The following CDH23 variants were observed in gnomAD, a reference collection of about 807,000 sequenced individuals.
CDH23 encodes cadherin-23.
In CDH23, 189 loss-of-function variants were observed where a neutral mutation model predicts 317.1. The ratio of observed to expected loss-of-function variants is 0.60; its 90% CI spans 0.53 to 0.67. CDH23 has a LOEUF of 0.67. Among genes scored for constraint, CDH23 ranks in the 30% least tolerant of loss-of-function variants. The pLI is 0.00. For synonymous variants in CDH23, 1,839 were observed against 1,876.8 expected, an observed-to-expected ratio of 0.98 and a Z score of 0.52; for missense variants, 4,401 against 4,592.4, an observed-to-expected ratio of 0.96 and a Z score of 1.20.
intron 11 of CDH23, among the ~76,000 whole-genome samples, chr10:71,622,306 C>T (rs1051186166): frequency 2.6e-5 from 4 of 152,170 alleles, no homozygotes; most frequent in African/African-American, 9.7e-5. Context: ...CTGGCCTTGC[C>T]TGCAGCCCTC....
intron 9 of CDH23, among the ~76,000 whole-genome samples, chr10:71,596,935 G>C (rs1040116078): frequency 1.3e-5 from 2 of 152,096 alleles, no homozygotes; most frequent in Non-Finnish European, 2.9e-5. Context: ...CTCCCTCCCA[G>C]GTTGGGGACA....
intron 11 of CDH23, 187 bp downstream of exon 11, chr10:71,617,580 C>T: frequency 1.4e-6 from 2 of 1,410,382 alleles, no homozygotes; most frequent in Non-Finnish European, 1.9e-6. Flanking sequence ...TTATCCCCTA[C>T]ACCCTGCAAA....
chr10:71,455,773 C>T (rs905282163), intron 3 of CDH23, among the ~76,000 whole-genome samples: 2 of 152,218 alleles, frequency 1.3e-5, no homozygotes, highest in African/African-American at 4.8e-5. Context: ...TGTGCATTCA[C>T]TCCTATATTA....
chr10:71,588,272 A>C (rs576121079), intron 9 of CDH23, among the ~76,000 whole-genome samples: 9 of 152,266 alleles, frequency 5.9e-5, no homozygotes, highest in African/African-American at 2.2e-4. Context: ...TGCCACGGGC[A>C]AGGCACCCTG....
intron 38 of CDH23, among the ~76,000 whole-genome samples, chr10:71,759,107 G>A (rs909405093): frequency 7.2e-5 from 11 of 151,782 alleles, no homozygotes; most frequent in African/African-American, 2.4e-4. Context: ...GCGCGATCTC[G>A]GCTCACTGTA....
intron 9 of CDH23, among the ~76,000 whole-genome samples, chr10:71,589,273 C>T (rs927209686): frequency 3.3e-5 from 5 of 152,170 alleles, no homozygotes; most frequent in African/African-American, 7.2e-5. Flanking sequence ...GCACCCGCCA[C>T]CACACCCAGC....
At chr10:71,458,779 TTTTTG>T (rs1330015735) in intron 3 of CDH23, among the ~76,000 whole-genome samples, 1 of 152,120 alleles carries the variant, frequency 6.6e-6, no homozygotes, top group Non-Finnish European at 1.5e-5. Context: ...AAGTAAGGGT[TTTTTG>T]TTTTGTTTTG....
intron 14 of CDH23, among the ~76,000 whole-genome samples, chr10:71,673,631 C>T (rs528126600): frequency 6.6e-6 from 1 of 152,318 alleles, no homozygotes; most frequent in South Asian, 2.1e-4. Flanking sequence ...AAGGGCATGG[C>T]TAGGTGGCAC....
At chr10:71,531,875 A>C (rs1855390767) in intron 6 of CDH23, among the ~76,000 whole-genome samples, 1 of 152,144 alleles carries the variant, frequency 6.6e-6, no homozygotes, top group Non-Finnish European at 1.5e-5. Context: ...TTCAGAGCCA[A>C]AGAGGGGAAC....
At chr10:71,601,480 G>A (rs767849826) in intron 9 of CDH23, among the ~76,000 whole-genome samples, 4 of 152,136 alleles carry the variant, frequency 2.6e-5, no homozygotes, top group African/African-American at 4.8e-5. Context: ...ACTTGCCCAC[G>A]GTCACACAGC....
chr10:71,608,752 G>GAACT (rs1241854855), intron 9 of CDH23, among the ~76,000 whole-genome samples: 9 of 152,242 alleles, frequency 5.9e-5, no homozygotes, highest in African/African-American at 2.2e-4. Flanking sequence ...TCTGAGCCCA[G>GAACT]CACTCAAGGG....
Position 71,802,516 on chromosome 10 carries a change from C to T in CDH23, c.7483-382C>T, listed in dbSNP as rs377613903. 3.6e-4 allele frequency among the ~76,000 whole-genome samples: 55 copies of T among 152,256 alleles called. No individual in the cohort carries two copies. In the South Asian group the frequency reaches 6.8e-3, roughly 19 times the overall value. The stretch of plus-strand genomic sequence containing the variant: ...GGGGAATGGAGGAATGCCACCAATC[C>T]AGCACTAAGGGATAGAGATTAGAGC... On this transcript the variant is annotated intron_variant, in intron 53 of 69. Coordinates refer to ENST00000224721, the MANE Select transcript of CDH23 (RefSeq NM_022124.6).
chr10:71,518,157 A>G (rs1480727572), intron 6 of CDH23, among the ~76,000 whole-genome samples: 1 of 151,698 alleles, frequency 6.6e-6, no homozygotes, highest in Non-Finnish European at 1.5e-5. Context: ...CCTCATGACA[A>G]CTCTGTAAGT....
intron 48 of CDH23, 125 bp downstream of exon 48, chr10:71,793,765 C>T (rs551100440): frequency 2.7e-6 from 2 of 748,548 alleles, no homozygotes; most frequent in Non-Finnish European, 4.2e-6. Context: ...TTCTCTCCCC[C>T]TCCTCTGGAG....
intron 3 of CDH23, among the ~76,000 whole-genome samples, chr10:71,489,594 G>GTGTGT: frequency 1.4e-5 from 2 of 139,884 alleles, no homozygotes. Flanking sequence ...AGTGCCTCGG[G>GTGTGT]GTGTGTGTGT....
chr10:71,814,713 T>TACACAC (rs34475820), intron 69 of CDH23, among the ~76,000 whole-genome samples: 57 of 146,990 alleles, frequency 3.9e-4, no homozygotes, highest in South Asian at 8.8e-4. Context: ...AAGAAGCCGA[T>TACACAC]ACACACACAC....
intron 3 of CDH23, among the ~76,000 whole-genome samples, chr10:71,457,188 C>G (rs561468196): frequency 4.1e-4 from 63 of 152,286 alleles, no homozygotes; most frequent in African/African-American, 1.5e-3. Flanking sequence ...GGCAATGGAA[C>G]AGGCTGACCA....
intron 6 of CDH23, among the ~76,000 whole-genome samples, chr10:71,541,679 C>T (rs1000364899): frequency 1.3e-5 from 2 of 152,198 alleles, no homozygotes; most frequent in Non-Finnish European, 2.9e-5. Context: ...TTCAGTCTTA[C>T]ATCAGAGGTC....
chr10:71,740,926 T>C lies in CDH23; in HGVS notation c.4593T>C (p.Phe1531=). The part of the protein sequence containing the change: ...NDNPPVIESP[F]GYNVSVNENV... ...ACCCTCCAGTCATCGAGAGCCCCTTTGGATACAATGTCAGTGTGAATGAGG... is the reference window on the plus strand; with the variant it reads ...ACCCTCCAGTCATCGAGAGCCCCTTCGGATACAATGTCAGTGTGAATGAGG... The change falls in exon 37 of 70, where the codon TTT becomes TTC. Residue 1531 remains phenylalanine (F), a synonymous_variant. Coordinates refer to ENST00000224721, the MANE Select transcript of CDH23 (RefSeq NM_022124.6). 6.2e-7 allele frequency: 1 copy of C among 1,613,928 alleles called. No homozygotes were observed. The highest frequency in any genetic ancestry group is 1.1e-5 in the South Asian group (1 of 91,086).
Sources: gnomAD v4.1 joint callset for allele counts (sites outside exome capture counted in the v4.1 genomes callset) on GRCh38, gnomAD v4.1.1 for gene constraint, MANE v1.5 for transcripts, NCBI Gene and HGNC (gene_info 2026-07-23, HGNC 2026-07-21) for gene names.